Variants in STIM2 observed in about 807,000 individuals in gnomAD.
The protein encoded by STIM2 is stromal interaction molecule 2.
STIM2 carries 31 observed loss-of-function variants against 85.8 expected under a neutral mutation model. That is an observed-to-expected ratio of 0.36 (90% CI 0.27 to 0.49). The LOEUF is 0.49. STIM2 is among the 20% of genes least tolerant of loss of function. The probability of loss-of-function intolerance (pLI) is 0.98; values close to 1 mark genes in which losing one functional copy is unlikely to be tolerated. For synonymous variants in STIM2, 356 were observed against 331.1 expected (o/e 1.08, Z -0.82); for missense variants, 841 against 927.6 (o/e 0.91, Z 1.21).
chr4:26,990,531 A>G (rs1727731061), intron 3 of STIM2, among the ~76,000 whole-genome samples: 1 of 152,150 alleles, frequency 6.6e-6, no homozygotes, highest in Admixed American at 6.6e-5. Flanking sequence ...AGGCTGGACA[A>G]GAAGCTTTTT....
intron 2 of STIM2, 123 bp from the exon 3 acceptor site, chr4:26,957,489 C>A: frequency 2.0e-6 from 1 of 502,544 alleles, no homozygotes; most frequent in Non-Finnish European, 3.5e-6. Flanking sequence ...ACTACAATAC[C>A]AAAAATTTGC....
chr4:27,008,037 C>G (rs1352559596), intron 8 of STIM2: 1 of 713,820 alleles, frequency 1.4e-6, no homozygotes, highest in African/African-American at 1.8e-5. Flanking sequence ...AACTTTGACA[C>G]TTAAATTGTG....
chr4:27,011,333 T>G (rs1399298808), intron 10 of STIM2, among the ~76,000 whole-genome samples: 1 of 152,240 alleles, frequency 6.6e-6, no homozygotes, highest in African/African-American at 2.4e-5. Context: ...GCTTAATGAG[T>G]TAACCATAAC....
intron 4 of STIM2, among the ~76,000 whole-genome samples, chr4:26,998,472 T>C (rs1394842837): frequency 6.6e-6 from 1 of 152,216 alleles, no homozygotes; most frequent in African/African-American, 2.4e-5. Context: ...GATTTTTTGA[T>C]ACTTTTAAAG....
intron 1 of STIM2, among the ~76,000 whole-genome samples, chr4:26,885,572 G>GAA (rs1183709560): frequency 6.6e-6 from 1 of 151,848 alleles, no homozygotes; most frequent in African/African-American, 2.4e-5. Context: ...AAATCTTGAT[G>GAA]GTATGAAGGA....
chr4:26,934,375 A>G (rs181560918), intron 2 of STIM2, among the ~76,000 whole-genome samples: 2 of 152,352 alleles, frequency 1.3e-5, no homozygotes, highest in African/African-American at 4.8e-5. Flanking sequence ...ATGTCATATT[A>G]TAAGTCACAC....
chr4:26,896,774 A>G (rs1427641671), intron 1 of STIM2, among the ~76,000 whole-genome samples: 3 of 152,220 alleles, frequency 2.0e-5, no homozygotes, highest in African/African-American at 4.8e-5. Flanking sequence ...TTCTTTGTGT[A>G]TAATTCTTTG....
At chr4:26,993,541 AT>A (rs10710223) in intron 3 of STIM2, among the ~76,000 whole-genome samples, 148,354 of 152,230 alleles carry the variant, frequency 0.97, 72,327 homozygotes, top group East Asian at 1. Flanking sequence ...TATCAGAAAG[AT>A]TTTTTTCAGA....
chr4:26,938,226 T>C (rs1042062390), intron 2 of STIM2, among the ~76,000 whole-genome samples: 1 of 152,002 alleles, frequency 6.6e-6, no homozygotes, highest in South Asian at 2.1e-4. Flanking sequence ...TATTGAGGTA[T>C]ATTTAACAAA....
At chr4:26,900,073 T>C (rs1723861521) in intron 1 of STIM2, among the ~76,000 whole-genome samples, 1 of 152,204 alleles carries the variant, frequency 6.6e-6, no homozygotes, top group African/African-American at 2.4e-5. Flanking sequence ...TTAGGGAATG[T>C]AGGCAAAATG....
intron 3 of STIM2, among the ~76,000 whole-genome samples, chr4:26,984,384 TCTCA>T (rs1308669676): frequency 6.6e-6 from 1 of 152,094 alleles, no homozygotes; most frequent in Non-Finnish European, 1.5e-5. Context: ...GGAGATGGAG[TCTCA>T]CTCACTCTGT....
intron 3 of STIM2, among the ~76,000 whole-genome samples, chr4:26,962,559 AGTGT>A (rs34301656): frequency 0.07 from 10,013 of 142,542 alleles, 342 homozygotes; most frequent in East Asian, 0.14. Flanking sequence ...ACTTTAATGC[AGTGT>A]GTGTGTGTGT....
intron 2 of STIM2, among the ~76,000 whole-genome samples, chr4:26,941,026 G>A (rs1725591916): frequency 6.6e-6 from 1 of 152,132 alleles, no homozygotes; most frequent in African/African-American, 2.4e-5. Context: ...TTCTTAGTTT[G>A]ACATTCATGA....
chr4:26,890,532 T>C (rs1257927184), intron 1 of STIM2, among the ~76,000 whole-genome samples: 1 of 152,098 alleles, frequency 6.6e-6, no homozygotes, highest in Non-Finnish European at 1.5e-5. Flanking sequence ...CCAAAATCTG[T>C]TTCTCAAAAG....
At position 27,024,545 on chromosome 4, in the gene STIM2, C is replaced by A. The variant is rs180905682; in HGVS notation, c.*1549C>A. ...AGAAATGCTTTAGTAAGAATATGAA[C>A]AATTTCCTGATGTCTCCTATAAATT... is the stretch of plus-strand genomic sequence containing the variant. On this transcript the variant is annotated 3_prime_UTR_variant, in exon 12 of 12. Coordinates refer to ENST00000467087, the MANE Select transcript of STIM2 (RefSeq NM_020860.4). 15 of 152,292 alleles carry A rather than the reference C, an allele frequency of 9.8e-5. No homozygotes were observed. In the East Asian group the frequency reaches 2.5e-3, roughly 25 times the overall value. 9.4% of individuals were successfully genotyped at this position (152,292 alleles called of 1,614,324 possible). A position where few individuals can be genotyped will look rare whatever the true frequency, so the allele number is the denominator to read the frequency against.
At chr4:26,928,439 A>G (rs1373715691) in intron 2 of STIM2, among the ~76,000 whole-genome samples, 3 of 152,230 alleles carry the variant, frequency 2.0e-5, no homozygotes, top group Admixed American at 6.5e-5. Flanking sequence ...GCTTTTGCAG[A>G]TATTTGACAG....
intron 2 of STIM2, among the ~76,000 whole-genome samples, chr4:26,944,875 A>G (rs1725756095): frequency 6.6e-6 from 1 of 152,248 alleles, no homozygotes; most frequent in African/African-American, 2.4e-5. Flanking sequence ...CTAATAGTGC[A>G]TGGTGAATGT....
chr4:26,960,775 C>T (rs769291371), intron 3 of STIM2, among the ~76,000 whole-genome samples: 1 of 152,102 alleles, frequency 6.6e-6, no homozygotes, highest in Non-Finnish European at 1.5e-5. Flanking sequence ...AATAAAAATA[C>T]TAGTACAGGC....
chr4:26,894,940 G>T (rs1308017670), intron 1 of STIM2, among the ~76,000 whole-genome samples: 1 of 152,148 alleles, frequency 6.6e-6, no homozygotes, highest in South Asian at 2.1e-4. Flanking sequence ...GGCCGGGTGC[G>T]GTGGCTCACA....
Sources: allele counts gnomAD v4.1 joint callset (sites outside exome capture counted in the v4.1 genomes callset), GRCh38; gene constraint gnomAD v4.1.1; transcripts MANE v1.5; gene names NCBI Gene and HGNC (gene_info 2026-07-23, HGNC 2026-07-21).